MAGI2: variants seen among roughly 807,000 people sequenced by gnomAD.
MAGI2 encodes the protein membrane-associated guanylate kinase, WW and PDZ domain-containing protein 2.
A neutral mutation model predicts 133.3 loss-of-function variants in MAGI2; 35 were observed. The ratio of observed to expected loss-of-function variants is 0.26; its 90% CI spans 0.20 to 0.35. The LOEUF is 0.35. Among genes scored for constraint, MAGI2 ranks in the 10% least tolerant of loss-of-function variants. The pLI, the probability that MAGI2 is intolerant of heterozygous loss-of-function variation, is 1.00. For missense variants in MAGI2, 1,636 were observed against 1,863.4 expected (o/e 0.88, Z 2.25); for synonymous variants, 729 against 710.6 (o/e 1.03, Z -0.41).
At chr7:79,413,530 A>G (rs1489013625) in intron 1 of MAGI2, 1 of 152,220 alleles carries the variant, frequency 6.6e-6, no homozygotes, top group Non-Finnish European at 1.5e-5. Flanking sequence ...CCCTTTTAAC[A>G]GCTGAACTGA....
At chr7:79,389,074 T>A (rs1844414100) in intron 1 of MAGI2, among the ~76,000 whole-genome samples, 1 of 151,996 alleles carries the variant, frequency 6.6e-6, no homozygotes, top group Admixed American at 6.6e-5. Context: ...AAACAAAAAG[T>A]TGATCTTAAG....
chr7:78,116,243 T>C (rs1819855632), intron 20 of MAGI2, among the ~76,000 whole-genome samples: 1 of 151,842 alleles, frequency 6.6e-6, no homozygotes, highest in Non-Finnish European at 1.5e-5. Context: ...CAGTGGAAAT[T>C]AGAATGTATT....
chr7:78,679,429 G>T (rs1457424671), intron 2 of MAGI2, among the ~76,000 whole-genome samples: 2 of 152,136 alleles, frequency 1.3e-5, no homozygotes, highest in Non-Finnish European at 2.9e-5. Context: ...GCAAATATTT[G>T]TTAGGTAAAT....
chr7:79,058,773 A>C (rs1413629734), intron 1 of MAGI2, among the ~76,000 whole-genome samples: 1 of 152,150 alleles, frequency 6.6e-6, no homozygotes, highest in African/African-American at 2.4e-5. Flanking sequence ...TTACACCTGA[A>C]TAGAATTGCA....
At chr7:78,134,877 G>T in intron 17 of MAGI2, 144 bp downstream of exon 17, 1 of 668,196 alleles carries the variant, frequency 1.5e-6, no homozygotes, top group East Asian at 2.7e-5. Context: ...TGCAAAAGTG[G>T]AAATAATAAT....
chr7:78,309,860 A>G (rs1225439899), intron 9 of MAGI2, among the ~76,000 whole-genome samples: 1 of 152,084 alleles, frequency 6.6e-6, no homozygotes, highest in Admixed American at 6.6e-5. Flanking sequence ...GTTGACATTA[A>G]TATTCTTTTC....
At chr7:79,081,478 A>G (rs935266863) in intron 1 of MAGI2, among the ~76,000 whole-genome samples, 18 of 152,180 alleles carry the variant, frequency 1.2e-4, no homozygotes, top group Admixed American at 8.5e-4. Context: ...TCACTAGCAT[A>G]TGCATTGCAC....
At chr7:78,308,539 C>CT (rs1344071191) in intron 9 of MAGI2, among the ~76,000 whole-genome samples, 51 of 147,508 alleles carry the variant, frequency 3.5e-4, no homozygotes, top group African/African-American at 8.9e-4. Flanking sequence ...TTTTTTTTTT[C>CT]TTTTTTTTTC....
intron 9 of MAGI2, 63 bp downstream of exon 9, chr7:78,343,715 T>C: frequency 1.6e-6 from 2 of 1,288,744 alleles, no homozygotes; most frequent in Non-Finnish European, 1.0e-6. Flanking sequence ...AAGAAGCTCC[T>C]TATATTTGCC....
At chr7:78,334,322 A>C (rs1028424275) in intron 9 of MAGI2, among the ~76,000 whole-genome samples, 1 of 151,750 alleles carries the variant, frequency 6.6e-6, no homozygotes, top group Non-Finnish European at 1.5e-5. Flanking sequence ...CATGGACCTC[A>C]GGTTAATCCT....
intron 1 of MAGI2, among the ~76,000 whole-genome samples, chr7:79,154,622 A>C (rs1823588520): frequency 6.6e-6 from 1 of 152,146 alleles, no homozygotes; most frequent in Non-Finnish European, 1.5e-5. Flanking sequence ...CCAGACCATC[A>C]TTTACATAGA....
At chr7:78,510,638 C>G (rs1795482086) in intron 4 of MAGI2, among the ~76,000 whole-genome samples, 2 of 152,074 alleles carry the variant, frequency 1.3e-5, no homozygotes, top group African/African-American at 2.4e-5. Flanking sequence ...ATCAATTGAG[C>G]TTTTCTTCCT....
intron 2 of MAGI2, among the ~76,000 whole-genome samples, chr7:78,699,580 T>C (rs1196553965): frequency 6.6e-6 from 1 of 152,184 alleles, no homozygotes; most frequent in Non-Finnish European, 1.5e-5. Context: ...AGATCTCAAA[T>C]ACTTCTAGGC....
chr7:78,022,946 A>G (rs1808549712), intron 21 of MAGI2, among the ~76,000 whole-genome samples: 1 of 152,242 alleles, frequency 6.6e-6, no homozygotes, highest in South Asian at 2.1e-4. Flanking sequence ...CCAAGTCACT[A>G]TGGGTTAAAA....
At chr7:79,192,664 A>G (rs1245087232) in intron 1 of MAGI2, among the ~76,000 whole-genome samples, 3 of 151,822 alleles carry the variant, frequency 2.0e-5, no homozygotes, top group Admixed American at 2.0e-4. Context: ...GTGTGGCTGA[A>G]GGTTTTTTTG....
At chr7:78,286,579 G>C (rs1004739981) in intron 9 of MAGI2, among the ~76,000 whole-genome samples, 4 of 152,114 alleles carry the variant, frequency 2.6e-5, no homozygotes, top group Non-Finnish European at 4.4e-5. Flanking sequence ...GCATGGTCTA[G>C]GTTTTACTTG....
intron 1 of MAGI2, among the ~76,000 whole-genome samples, chr7:79,392,802 T>C (rs6466621): frequency 0.25 from 37,448 of 152,124 alleles, 5,976 homozygotes; most frequent in African/African-American, 0.44. Context: ...AAAAGGCACC[T>C]CCTTTTTCAC....
At chr7:78,467,680 A>G (rs1472655577) in intron 6 of MAGI2, among the ~76,000 whole-genome samples, 1 of 152,074 alleles carries the variant, frequency 6.6e-6, no homozygotes, top group Non-Finnish European at 1.5e-5. Context: ...TACTAAGATA[A>G]CTGAGCTGAT....
At chr7:78,293,237 A>G (rs544144911) in intron 9 of MAGI2, among the ~76,000 whole-genome samples, 1 of 152,344 alleles carries the variant, frequency 6.6e-6, no homozygotes, top group Non-Finnish European at 1.5e-5. Context: ...CAAATTTACA[A>G]GAAAAAATCA....
Sources: allele counts gnomAD v4.1 joint callset (sites outside exome capture counted in the v4.1 genomes callset), GRCh38; gene constraint gnomAD v4.1.1; transcripts MANE v1.5; gene names NCBI Gene and HGNC (gene_info 2026-07-23, HGNC 2026-07-21).